The following CAT variants were observed in gnomAD, a reference collection of about 807,000 sequenced individuals.
CAT encodes the protein catalase, also known as epididymis secretory sperm binding protein.
Under a neutral mutation model 59.0 loss-of-function variants are expected in CAT, and 43 were observed. The observed-to-expected ratio is 0.73, with a 90% CI of 0.57 to 0.94. The LOEUF (loss-of-function observed/expected upper bound fraction) is 0.94. CAT is among the 40% of genes least tolerant of loss of function. The pLI is 0.00. For synonymous variants in CAT, 218 were observed against 230.9 expected (o/e 0.94, Z 0.51); for missense variants, 664 against 682.9 (o/e 0.97, Z 0.31).
intron 8 of CAT, among the ~76,000 whole-genome samples, chr11:34,457,399 G>T (rs1039180855): frequency 1.3e-5 from 2 of 151,718 alleles, no homozygotes; most frequent in African/African-American, 4.8e-5. Flanking sequence ...TAGAGACGGG[G>T]TTTCACCCTG....
At chr11:34,440,364 A>C (rs574669102) in intron 1 of CAT, among the ~76,000 whole-genome samples, 1 of 152,194 alleles carries the variant, frequency 6.6e-6, no homozygotes, top group Middle Eastern at 3.4e-3. Flanking sequence ...GTAGAGTCTT[A>C]GTAAAGGATG....
intron 10 of CAT, among the ~76,000 whole-genome samples, chr11:34,467,708 C>T (rs1316256636): frequency 2.6e-5 from 4 of 151,808 alleles, no homozygotes; most frequent in Non-Finnish European, 5.9e-5. Flanking sequence ...TACTAAGCTC[C>T]TATTTTTCAT....
chr11:34,443,597 C>G (rs2133177260), intron 1 of CAT, among the ~76,000 whole-genome samples: 1 of 150,210 alleles, frequency 6.7e-6, no homozygotes, highest in South Asian at 2.1e-4. Flanking sequence ...GTGCAGCTTG[C>G]TGCCAGTGCT....
intron 5 of CAT, 66 bp downstream of exon 5, chr11:34,453,260 T>C: frequency 1.1e-6 from 1 of 950,288 alleles, no homozygotes; most frequent in Non-Finnish European, 1.7e-6. Context: ...TGCCTCTTCA[T>C]AAAGTGTCTC....
Position 34,468,301 on chromosome 11 carries a change from A to G in CAT, c.1340A>G (p.Tyr447Cys), listed in dbSNP as rs757494552. 23 of 1,613,858 alleles carry G rather than the reference A, an allele frequency of 1.4e-5. No homozygotes were observed. Among genetic ancestry groups the G allele is most frequent in the East Asian group, 4.5e-5 (2 of 44,884 alleles). Residue 447 changes from tyrosine (Y) to cysteine (C), a missense_variant, in exon 11 of 13, where the codon TAT becomes TGT. Tyr to Cys is a radical substitution (Grantham distance 194). Transcript: ENST00000241052. ...TTCTCTGAGCAGGTGCGGGCATTCT[A>G]TGTGAACGTGCTGAATGAGGAACAG... ...DDNVTQVRAF[Y>C]VNVLNEEQRK...
At chr11:34,468,242 T>A in intron 10 of CAT, 46 bp from the exon 11 acceptor site, 2 of 1,356,018 alleles carry the variant, frequency 1.5e-6, no homozygotes, top group Non-Finnish European at 2.1e-6. Context: ...TTGTTGGTGA[T>A]AAACTGGTGA....
intron 3 of CAT, 129 bp downstream of exon 3, chr11:34,451,227 A>G (rs12269988): frequency 0.045 from 33,009 of 727,814 alleles, 998 homozygotes; most frequent in African/African-American, 0.11. Flanking sequence ...TCAAGGTTTT[A>G]CAGTAGAAGA....
rs533616424 is a variant in CAT at position 34,443,551 on chromosome 11, A to G, written c.66+4472A>G. Reference sequence around the variant, plus strand: ...ATGCCATGGGCTCTTCTTTTGAGATACTTACCTTTAACCCATTTCCTTTTT... The same window carrying G: ...ATGCCATGGGCTCTTCTTTTGAGATGCTTACCTTTAACCCATTTCCTTTTT... On this transcript the variant is annotated intron_variant, in intron 1 of 12. Transcript: ENST00000241052. Among the ~76,000 whole-genome samples the G allele has an allele frequency of 1.1e-4, 16 of 148,742 alleles. No homozygotes were observed. In the South Asian group the frequency reaches 3.4e-3, roughly 31 times the overall value.
intron 1 of CAT, among the ~76,000 whole-genome samples, chr11:34,446,261 C>T (rs1026937751): frequency 6.6e-6 from 1 of 152,126 alleles, no homozygotes; most frequent in Non-Finnish European, 1.5e-5. Flanking sequence ...ATTGTATATA[C>T]ATGAGCTTGT....
rs192738550 is a variant in CAT, at chr11:34,454,039, C to T, written c.711+113C>T. On this transcript the variant is annotated intron_variant, in intron 6 of 12. Transcript: ENST00000241052. ...TCTCCCACTTTTCCCTCACCTCCATCCCCAAAGTTGGGAAGTATTGATCTC... is the reference window on the plus strand; with the variant it reads ...TCTCCCACTTTTCCCTCACCTCCATTCCCAAAGTTGGGAAGTATTGATCTC... 276 of 1,153,434 alleles carry T rather than the reference C, an allele frequency of 2.4e-4. 1 individual carries two copies. In the African/African-American group the frequency reaches 3.4e-3, roughly 14 times the overall value. The allele number at this position is 1,153,434 out of a possible 1,614,324, so 71.4% of individuals were successfully genotyped here.
At chr11:34,456,925 A>G in intron 8 of CAT, 108 bp downstream of exon 8, 1 of 1,187,768 alleles carries the variant, frequency 8.4e-7, no homozygotes, top group Non-Finnish European at 1.2e-6. Flanking sequence ...CAAGAACATT[A>G]CTTAAACTTT....
chr11:34,458,810 GC>G, intron 8 of CAT, among the ~76,000 whole-genome samples: 1 of 152,150 alleles, frequency 6.6e-6, no homozygotes, highest in Non-Finnish European at 1.5e-5. Flanking sequence ...GGAGAACTAG[GC>G]CCCCGGGAAA....
chr11:34,471,691 G>A lies in CAT; in HGVS notation c.*258G>A. On this transcript the variant is annotated 3_prime_UTR_variant, in exon 13 of 13. Transcript: ENST00000241052. The stretch of plus-strand genomic sequence containing the variant: ...TTGGATTATTCATTTAAAATGATTA[G>A]AAGGCAAGTTTCTAGCTAGAAATAT... 2.0e-6 allele frequency: 1 copy of A among 498,998 alleles called. No individual in the cohort carries two copies. Among genetic ancestry groups the A allele is most frequent in the Admixed American group, 3.3e-5 (1 of 29,866 alleles). 30.9% of individuals were successfully genotyped at this position (498,998 alleles called of 1,614,324 possible).
At chr11:34,445,823 T>C (rs1185797497) in intron 1 of CAT, among the ~76,000 whole-genome samples, 1 of 152,198 alleles carries the variant, frequency 6.6e-6, no homozygotes. Flanking sequence ...GGAAATCTCT[T>C]TGCCTGTCCT....
intron 12 of CAT, 109 bp from the exon 13 acceptor site, chr11:34,471,253 TAAAGTG>T (rs1354873249): frequency 1.0e-6 from 1 of 967,874 alleles, no homozygotes; most frequent in Non-Finnish European, 1.7e-6. Flanking sequence ...TTAAGACAGT[TAAAGTG>T]AATGAATTCT....
At chr11:34,449,650 G>T (rs988696616) in intron 2 of CAT, among the ~76,000 whole-genome samples, 2 of 152,154 alleles carry the variant, frequency 1.3e-5, no homozygotes, top group South Asian at 2.1e-4. Context: ...TAGGTTCTTG[G>T]AAACTTTGAC....
chr11:34,470,346 C>G (rs1003165891), intron 11 of CAT, among the ~76,000 whole-genome samples: 2 of 152,202 alleles, frequency 1.3e-5, no homozygotes, highest in Non-Finnish European at 2.9e-5. Flanking sequence ...ACCCTTCTAG[C>G]TCCTGGATGT....
intron 1 of CAT, among the ~76,000 whole-genome samples, chr11:34,441,356 C>T (rs943354096): frequency 1.3e-5 from 2 of 152,202 alleles, no homozygotes; most frequent in Admixed American, 1.3e-4. Flanking sequence ...ATCTGTCTGT[C>T]CATCCTTTAA....
rs373947540 is a variant in CAT, at chr11:34,471,064, A to T, written c.1518+23A>T. 39 of 1,601,228 alleles carry T rather than the reference A, an allele frequency of 2.4e-5. No individual in the cohort carries two copies. In the African/African-American group the frequency reaches 4.4e-4, roughly 18 times the overall value. ...AAGGTAAGCTGGGAGCAGCCTGGCC[A>T]TGCAGAGGCTGTGTGTGCTGGGTTG... On this transcript the variant is annotated intron_variant, in intron 12 of 12. Transcript: ENST00000241052.
Sources: gnomAD v4.1 joint callset for allele counts (sites outside exome capture counted in the v4.1 genomes callset) on GRCh38, gnomAD v4.1.1 for gene constraint, MANE v1.5 for transcripts, NCBI Gene and HGNC (gene_info 2026-07-23, HGNC 2026-07-21) for gene names.